Variants in KCNU1 observed in about 807,000 individuals in gnomAD.
KCNU1 encodes potassium calcium-activated channel subfamily U member 1.
A neutral mutation model predicts 126.8 loss-of-function variants in KCNU1; 93 were observed. That is an observed-to-expected ratio of 0.73 (90% CI 0.62 to 0.87). KCNU1 has a LOEUF of 0.87. Ranked by LOEUF, KCNU1 falls within the 40% of genes least tolerant of loss-of-function variation. The probability of loss-of-function intolerance (pLI) is 0.00; values close to 1 mark genes in which losing one functional copy is unlikely to be tolerated. For synonymous variants in KCNU1, 523 were observed against 494.2 expected, an observed-to-expected ratio of 1.06 and a Z score of -0.77; for missense variants, 1,330 against 1,367.1, an observed-to-expected ratio of 0.97 and a Z score of 0.43.
At chr8:36,843,653 T>G (rs568614211) in intron 16 of KCNU1, among the ~76,000 whole-genome samples, 2 of 152,292 alleles carry the variant, frequency 1.3e-5, no homozygotes, top group East Asian at 3.9e-4. Context: ...CCATTATTGG[T>G]AGAAGGAAGA....
intron 19 of KCNU1, among the ~76,000 whole-genome samples, chr8:36,894,445 T>A (rs10110534): frequency 6.6e-6 from 1 of 151,924 alleles, no homozygotes. Context: ...TTGCAGCAGA[T>A]GAAAAAATGT....
At chr8:36,883,723 C>G (rs550214217) in intron 19 of KCNU1, among the ~76,000 whole-genome samples, 2 of 152,014 alleles carry the variant, frequency 1.3e-5, no homozygotes, top group South Asian at 4.1e-4. Flanking sequence ...CCCAGGAGGT[C>G]GAGGCTGCAG....
At chr8:36,881,822 ACACACACACAC>A (rs1411710047) in intron 19 of KCNU1, among the ~76,000 whole-genome samples, 1 of 151,614 alleles carries the variant, frequency 6.6e-6, no homozygotes, top group Non-Finnish European at 1.5e-5. Context: ...ACACACACAC[ACACACACACAC>A]ACACACACAC....
At chr8:36,915,928 G>C (rs1808083203) in intron 22 of KCNU1, among the ~76,000 whole-genome samples, 1 of 151,784 alleles carries the variant, frequency 6.6e-6, no homozygotes, top group Non-Finnish European at 1.5e-5. Context: ...ATTTAAAAAG[G>C]AAGAAAGGGA....
At chr8:36,819,431 G>A (rs967343210) in intron 10 of KCNU1, among the ~76,000 whole-genome samples, 6 of 152,090 alleles carry the variant, frequency 3.9e-5, no homozygotes, top group African/African-American at 1.4e-4. Flanking sequence ...TATTATCTCT[G>A]ATACTCCTGT....
chr8:36,885,021 G>A (rs1354401692), intron 19 of KCNU1, among the ~76,000 whole-genome samples: 1 of 152,188 alleles, frequency 6.6e-6, no homozygotes, highest in Non-Finnish European at 1.5e-5. Context: ...AATCGCAGCT[G>A]AGATCTGCTC....
chr8:36,884,511 G>A (rs1312394242), intron 19 of KCNU1, among the ~76,000 whole-genome samples: 1 of 152,144 alleles, frequency 6.6e-6, no homozygotes, highest in African/African-American at 2.4e-5. Context: ...TGAGGTGGGT[G>A]GATCACCTGA....
chr8:36,933,026 A>T lies in KCNU1; in HGVS notation c.3038A>T (p.Asn1013Ile), dbSNP rs1423275451. 3.2e-6 allele frequency: 5 copies of T among 1,540,202 alleles called. No individual in the cohort carries two copies. In the South Asian group the frequency reaches 5.9e-5, roughly 18 times the overall value. Residue 1013 changes from asparagine to isoleucine, a missense_variant, in exon 26 of 27, where the codon AAC (asparagine) becomes ATC (isoleucine). This residue lies in a region of KCNU1 where 1,054 missense variants were observed against 1,053.9 expected (regional missense o/e 1.00). Transcript: ENST00000399881. ...IIDEEELNPENKRFVITRPAN... is the reference protein window; with the variant it reads ...IIDEEELNPEIKRFVITRPAN... Reference sequence around the variant, plus strand: ...GATGAAGAGGAGCTCAACCCAGAAAACAAAAGGGGAGTGTGCTAGATTGGA... The same window carrying T: ...GATGAAGAGGAGCTCAACCCAGAAATCAAAAGGGGAGTGTGCTAGATTGGA...
intron 22 of KCNU1, among the ~76,000 whole-genome samples, chr8:36,913,791 C>T (rs1034909125): frequency 6.6e-6 from 1 of 151,796 alleles, no homozygotes; most frequent in Non-Finnish European, 1.5e-5. Flanking sequence ...TTAGTAGAGA[C>T]GGGGTTTCAC....
At chr8:36,889,497 G>T (rs1209366388) in intron 19 of KCNU1, among the ~76,000 whole-genome samples, 2 of 152,012 alleles carry the variant, frequency 1.3e-5, no homozygotes, top group African/African-American at 4.8e-5. Flanking sequence ...CATGTAGATT[G>T]TCTAAAAATA....
chr8:36,934,481 C>A (rs956170057), intron 26 of KCNU1, among the ~76,000 whole-genome samples: 4 of 151,924 alleles, frequency 2.6e-5, no homozygotes, highest in African/African-American at 9.7e-5. Context: ...GAACTCCACC[C>A]CTCCCCCAAA....
chr8:36,929,569 A>G (rs1196597236), intron 24 of KCNU1, among the ~76,000 whole-genome samples: 2 of 152,166 alleles, frequency 1.3e-5, no homozygotes, highest in Non-Finnish European at 2.9e-5. Context: ...CCCAGTGCCC[A>G]TGGAATCCCA....
intron 16 of KCNU1, among the ~76,000 whole-genome samples, chr8:36,842,001 G>A (rs1804975571): frequency 6.6e-6 from 1 of 151,920 alleles, no homozygotes; most frequent in South Asian, 2.1e-4. Flanking sequence ...AAAGGGGTGG[G>A]GCTTAAATGG....
chr8:36,918,882 A>C lies in KCNU1; in HGVS notation c.2581A>C (p.Ile861Leu). The change falls in exon 23 of 27, where the codon ATC (isoleucine) becomes CTC (leucine). Residue 861 changes from isoleucine (I) to leucine (L), a missense_variant. This residue lies in a region of KCNU1 where 1,054 missense variants were observed against 1,053.9 expected (regional missense o/e 1.00). Transcript: ENST00000399881. ...GAAATCAAACTGCCGAAAAGTCCCT[A>C]TCCTTACTGAACTGAGTAAGTGGTG... is the stretch of plus-strand genomic sequence containing the variant. ...NEKSNCRKVP[I>L]LTELKNPSNI... The C allele has an allele frequency of 1.2e-6, 2 of 1,603,692 alleles. No homozygotes were observed. The highest frequency in any genetic ancestry group is 2.2e-5 in the South Asian group (2 of 90,852).
At chr8:36,793,609 G>A (rs554138841) in intron 2 of KCNU1, among the ~76,000 whole-genome samples, 11 of 151,948 alleles carry the variant, frequency 7.2e-5, no homozygotes, top group South Asian at 4.2e-4. Context: ...CAATTTTTCC[G>A]CTTGTTTATT....
At chr8:36,912,356 G>C (rs1229812047) in intron 22 of KCNU1, among the ~76,000 whole-genome samples, 1 of 152,222 alleles carries the variant, frequency 6.6e-6, no homozygotes, top group African/African-American at 2.4e-5. Context: ...AACTGAGTCA[G>C]CTATTAGACA....
chr8:36,864,290 A>G, intron 18 of KCNU1, 114 bp from the exon 19 acceptor site: 3 of 703,872 alleles, frequency 4.3e-6, no homozygotes, highest in Non-Finnish European at 7.7e-6. Context: ...TGTAGCTGAG[A>G]CTCCCCAGCC....
Position 36,836,319 on chromosome 8 carries a change from A to T in KCNU1, c.1319A>T (p.Asp440Val), listed in dbSNP as rs772984384. 8.7e-6 allele frequency: 14 copies of T among 1,608,058 alleles called. No homozygotes were observed. In the African/African-American group the frequency reaches 1.3e-4, roughly 15 times the overall value. The change falls in exon 13 of 27, where the codon GAT becomes GTT. Residue 440 changes from aspartate to valine, a missense_variant. Around this residue, in one of 3 missense-constraint regions of KCNU1, gnomAD observed 1,054 missense variants for 1,053.9 expected, o/e 1.00. Coordinates refer to ENST00000399881, the MANE Select transcript of KCNU1 (RefSeq NM_001031836.3). ...AGGGTGCTCTCTATCAAGAACTATG[A>T]TTCTACCACCAGAATCATCATACAG... ...IMRVLSIKNYDSTTRIIIQIL... is the reference protein window; with the variant it reads ...IMRVLSIKNYVSTTRIIIQIL...
chr8:36,837,173 A>G (rs1347006972), intron 14 of KCNU1, among the ~76,000 whole-genome samples: 1 of 152,152 alleles, frequency 6.6e-6, no homozygotes, highest in African/African-American at 2.4e-5. Flanking sequence ...TTTATCTACA[A>G]AACAGAAAAA....
Sources: allele counts gnomAD v4.1 joint callset (sites outside exome capture counted in the v4.1 genomes callset), GRCh38; gene constraint gnomAD v4.1.1; regional missense constraint gnomAD v4.1.1; transcripts MANE v1.5; gene names NCBI Gene and HGNC (gene_info 2026-07-23, HGNC 2026-07-21).